AP4E1: variants seen among roughly 807,000 people sequenced by gnomAD.
The protein encoded by AP4E1 is adaptor related protein complex 4 subunit epsilon 1.
Under a neutral mutation model 128.2 loss-of-function variants are expected in AP4E1, and 56 were observed. The ratio of observed to expected loss-of-function variants is 0.44; its 90% CI spans 0.35 to 0.55. The LOEUF is 0.55. Among genes scored for constraint, AP4E1 ranks in the 20% least tolerant of loss-of-function variants. AP4E1 has a pLI of 0.00. For synonymous variants in AP4E1, 484 were observed against 473.1 expected (o/e 1.02, Z -0.30); for missense variants, 1,324 against 1,307.7 (o/e 1.01, Z -0.19).
intron 14 of AP4E1, among the ~76,000 whole-genome samples, chr15:50,961,313 A>G (rs1216369788): frequency 6.6e-6 from 1 of 152,072 alleles, no homozygotes; most frequent in East Asian, 1.9e-4. Context: ...ACAATAACAA[A>G]CTACAAGCCA....
At chr15:50,979,770 C>A (rs1400885855) in intron 15 of AP4E1, among the ~76,000 whole-genome samples, 2 of 152,128 alleles carry the variant, frequency 1.3e-5, no homozygotes, top group Admixed American at 6.5e-5. Context: ...AATGATCTGC[C>A]CACCTTGACC....
chr15:50,982,085 TCAA>T (rs2064650317), intron 15 of AP4E1, among the ~76,000 whole-genome samples: 1 of 19,186 alleles, frequency 5.2e-5, no homozygotes, highest in African/African-American at 2.2e-4. Flanking sequence ...AACTCCCATC[TCAA>T]AAAAAAAAAA....
intron 2 of AP4E1, among the ~76,000 whole-genome samples, chr15:50,913,900 G>A (rs1466911256): frequency 6.6e-6 from 1 of 152,104 alleles, no homozygotes; most frequent in Admixed American, 6.6e-5. Flanking sequence ...TGCAACCTCT[G>A]CCTCTCGGGT....
chr15:50,997,803 A>C lies in AP4E1; in HGVS notation c.2824A>C (p.Met942Leu). 6.2e-7 allele frequency: 1 copy of C among 1,609,106 alleles called. No individual in the cohort carries two copies. Among genetic ancestry groups the C allele is most frequent in the Non-Finnish European group, 8.5e-7 (1 of 1,177,032 alleles). Residue 942 changes from methionine (M) to leucine (L), a missense_variant, in exon 18 of 21, where the codon ATG becomes CTG. Met to Leu is a conservative substitution (Grantham distance 15). Transcript: ENST00000261842. ...YKIWKDDCLL[M>L]VWSVTNKSGL... ...AATTTGGAAAGATGATTGTTTATTG[A>C]TGGTCTGGTCAGTCACTAATAAGAG...
chr15:50,975,937 C>T (rs577392157), intron 15 of AP4E1, among the ~76,000 whole-genome samples: 29 of 150,034 alleles, frequency 1.9e-4, no homozygotes, highest in African/African-American at 5.6e-4. Flanking sequence ...ATAGCTTGAC[C>T]CCATCTCTAC....
At chr15:50,985,013 G>C (rs1230979383) in intron 16 of AP4E1, among the ~76,000 whole-genome samples, 1 of 152,188 alleles carries the variant, frequency 6.6e-6, no homozygotes, top group Non-Finnish European at 1.5e-5. Context: ...ACTGGTGTGA[G>C]ATGGTATCTC....
intron 15 of AP4E1, among the ~76,000 whole-genome samples, chr15:50,976,283 C>T (rs546732751): frequency 1.4e-4 from 21 of 152,206 alleles, no homozygotes; most frequent in African/African-American, 4.3e-4. Context: ...AAAAACCACA[C>T]AGTTCTCAAT....
chr15:50,945,738 A>T, intron 10 of AP4E1: 2 of 777,528 alleles, frequency 2.6e-6, no homozygotes, highest in East Asian at 4.9e-5. Context: ...CTTCTGAAAA[A>T]TTTGGTGTGC....
In AP4E1 at chr15:51,001,011, A is replaced by G. The variant is rs1288754829; in HGVS notation, c.3096-15A>G. The G allele has an allele frequency of 1.3e-6, 2 of 1,596,966 alleles. No individual in the cohort carries two copies. The highest frequency in any genetic ancestry group is 3.3e-5 in the Admixed American group (2 of 59,894). On this transcript the variant is annotated splice_polypyrimidine_tract_variant and intron_variant, in intron 19 of 20. Transcript: ENST00000261842. Reference sequence around the variant, plus strand: ...CTGTTTTTGACATATATCTAATTTTAAAAATTATTTTCAGACCATTAAAAA... The same window carrying G: ...CTGTTTTTGACATATATCTAATTTTGAAAATTATTTTCAGACCATTAAAAA...
chr15:50,957,258 AG>A (rs376123394), intron 13 of AP4E1, among the ~76,000 whole-genome samples: 4 of 152,132 alleles, frequency 2.6e-5, no homozygotes, highest in African/African-American at 9.7e-5. Context: ...GGGAGCTGAC[AG>A]GGGGACTGGG....
intron 17 of AP4E1, among the ~76,000 whole-genome samples, chr15:50,994,992 C>T (rs1027280805): frequency 2.6e-5 from 4 of 152,074 alleles, no homozygotes; most frequent in African/African-American, 9.7e-5. Flanking sequence ...GAGTGTATTT[C>T]TCTGTTTTAT....
At chr15:50,945,816 T>C in intron 10 of AP4E1, 1 of 771,118 alleles carries the variant, frequency 1.3e-6, no homozygotes. Context: ...AGCATCATCC[T>C]GATATAAAAT....
intron 5 of AP4E1, among the ~76,000 whole-genome samples, chr15:50,927,736 T>C (rs921268323): frequency 2.6e-5 from 4 of 152,104 alleles, no homozygotes; most frequent in Non-Finnish European, 4.4e-5. Context: ...GAGTTGTTTA[T>C]TAATGGAATT....
At chr15:50,984,668 T>C (rs2064692216) in intron 16 of AP4E1, among the ~76,000 whole-genome samples, 1 of 152,140 alleles carries the variant, frequency 6.6e-6, no homozygotes, top group East Asian at 1.9e-4. Context: ...TAGTATTCCA[T>C]GGTGTATATG....
intron 5 of AP4E1, among the ~76,000 whole-genome samples, chr15:50,926,399 G>T (rs1021945581): frequency 6.6e-6 from 1 of 152,036 alleles, no homozygotes; most frequent in Non-Finnish European, 1.5e-5. Context: ...GCCTCCCAAA[G>T]TGCTGAGATT....
At chr15:50,929,246 T>A in intron 6 of AP4E1, 78 bp downstream of exon 6, 1 of 1,491,060 alleles carries the variant, frequency 6.7e-7, no homozygotes, top group South Asian at 1.2e-5. Flanking sequence ...GAAACAGATA[T>A]TTTGGTAAAA....
rs2064992723 is a variant in AP4E1 at position 51,003,904 on chromosome 15, T to A, written c.*1242T>A. 6.6e-6 allele frequency: 1 copy of A among 152,616 alleles called. No individual in the cohort carries two copies. Among genetic ancestry groups the A allele is most frequent in the Non-Finnish European group, 1.5e-5 (1 of 68,052 alleles). The allele number at this position is 152,616 out of a possible 1,614,324, so 9.5% of individuals were successfully genotyped here. A position where few individuals can be genotyped will look rare whatever the true frequency, so the allele number is the denominator to read the frequency against. On this transcript the variant is annotated 3_prime_UTR_variant, in exon 21 of 21. Transcript: ENST00000261842. ...GGTCAGGAATTCTGATTTTAGGTTA[T>A]CTCATTAATCATGGCTGATAAAGAA... is the stretch of plus-strand genomic sequence containing the variant.
chr15:50,995,462 A>G (rs1355493005), intron 17 of AP4E1, among the ~76,000 whole-genome samples: 1 of 147,494 alleles, frequency 6.8e-6, no homozygotes, highest in Non-Finnish European at 1.5e-5. Flanking sequence ...CAGTGGCATG[A>G]TATTGGCTCA....
intron 19 of AP4E1, 41 bp downstream of exon 19, chr15:50,999,303 C>A: frequency 1.3e-6 from 2 of 1,553,058 alleles, no homozygotes; most frequent in Non-Finnish European, 1.8e-6. Flanking sequence ...TGTTAATTCA[C>A]CAACTATTTT....
Sources: allele counts gnomAD v4.1 joint callset (sites outside exome capture counted in the v4.1 genomes callset), GRCh38; gene constraint gnomAD v4.1.1; transcripts MANE v1.5; gene names NCBI Gene and HGNC (gene_info 2026-07-23, HGNC 2026-07-21).